Variants in RBFOX1 observed in about 807,000 individuals in gnomAD.
RBFOX1 encodes RNA binding fox-1 homolog 1.
A neutral mutation model predicts 57.7 loss-of-function variants in RBFOX1; 8 were observed. That is an observed-to-expected ratio of 0.14 (90% CI 0.08 to 0.25). The LOEUF is 0.25. Among genes scored for constraint, RBFOX1 ranks in the 10% least tolerant of loss-of-function variants. The pLI is 1.00. For synonymous variants in RBFOX1, 326 were observed against 222.4 expected (o/e 1.47, Z -4.15); for missense variants, 611 against 548.5 (o/e 1.11, Z -1.14).
intron 4 of RBFOX1, among the ~76,000 whole-genome samples, chr16:5,993,364 T>A (rs2152321658): frequency 1.0e-5 from 1 of 100,172 alleles, no homozygotes; most frequent in Middle Eastern, 5.7e-3. Flanking sequence ...TGTGTGTGTG[T>A]GTGTGTGTGT....
intron 14 of RBFOX1, among the ~76,000 whole-genome samples, chr16:7,695,648 T>TG (rs2078567903): frequency 6.0e-5 from 1 of 16,554 alleles, no homozygotes; most frequent in Admixed American, 1.0e-3. Flanking sequence ...CAAGCCTCCA[T>TG]CAAAAAAAAA....
intron 4 of RBFOX1, among the ~76,000 whole-genome samples, chr16:7,219,824 A>G (rs527319738): frequency 9.8e-5 from 15 of 152,326 alleles, no homozygotes; most frequent in African/African-American, 3.1e-4. Context: ...ATGACCTTCC[A>G]CCAAAGGATT....
intron 1 of RBFOX1, among the ~76,000 whole-genome samples, chr16:5,279,195 A>G (rs111752611): frequency 3.7e-4 from 56 of 152,194 alleles, no homozygotes; most frequent in African/African-American, 1.3e-3. Context: ...TCACAATATT[A>G]GTTATTCTAA....
intron 3 of RBFOX1, among the ~76,000 whole-genome samples, chr16:5,657,126 T>C (rs1158450477): frequency 6.6e-6 from 1 of 152,184 alleles, no homozygotes; most frequent in African/African-American, 2.4e-5. Flanking sequence ...CAGTCTTCTC[T>C]GAATATATGT....
In RBFOX1 at chr16:7,302,757, C is replaced by T. The variant is rs2302606; in HGVS notation, c.28-215390C>T. On this transcript the variant is annotated intron_variant, in intron 4 of 15. Coordinates refer to ENST00000550418, the MANE Select transcript of RBFOX1 (RefSeq NM_018723.4). Reference sequence around the variant, plus strand: ...CAAGAATGTGCTTTTTTTTTTTTTTCCTGTCAGGACCAAGGACGAGTTAGA... The same window carrying T: ...CAAGAATGTGCTTTTTTTTTTTTTTTCTGTCAGGACCAAGGACGAGTTAGA... Among the ~76,000 whole-genome samples the T allele has an allele frequency of 0.029, 419 of 14,270 alleles. 1 individual carries two copies. In the East Asian group the frequency reaches 0.33, roughly 11 times the overall value. 9.4% of individuals were successfully genotyped at this position (14,270 alleles called of 152,430 possible).
At chr16:6,083,781 T>A (rs1453436361) in intron 1 of RBFOX1, among the ~76,000 whole-genome samples, 1 of 151,540 alleles carries the variant, frequency 6.6e-6, no homozygotes, top group East Asian at 1.9e-4. Flanking sequence ...CTGGCCCCCC[T>A]TCTTTGGTCT....
intron 4 of RBFOX1, among the ~76,000 whole-genome samples, chr16:7,430,532 C>T (rs879732419): frequency 1.3e-5 from 2 of 151,978 alleles, no homozygotes; most frequent in Non-Finnish European, 2.9e-5. Context: ...CGTGGTGGCA[C>T]GTGCCTGTAG....
At chr16:6,227,729 C>A (rs2097428625) in intron 1 of RBFOX1, among the ~76,000 whole-genome samples, 2 of 152,284 alleles carry the variant, frequency 1.3e-5, no homozygotes, top group South Asian at 4.1e-4. Context: ...TGAAGTAGCT[C>A]TATAGGGCCA....
intron 2 of RBFOX1, among the ~76,000 whole-genome samples, chr16:6,445,042 G>C (rs1190315037): frequency 5.3e-5 from 8 of 152,084 alleles, no homozygotes; most frequent in Non-Finnish European, 8.8e-5. Context: ...AGACCCTGTT[G>C]AGGTGGAAAC....
intron 4 of RBFOX1, among the ~76,000 whole-genome samples, chr16:7,142,703 T>G (rs2074087826): frequency 6.6e-6 from 1 of 152,194 alleles, no homozygotes; most frequent in Non-Finnish European, 1.5e-5. Context: ...AATATGTGTC[T>G]CCCTCTCTAA....
At chr16:6,658,942 T>TTG (rs1305690639) in intron 3 of RBFOX1, among the ~76,000 whole-genome samples, 2 of 137,460 alleles carry the variant, frequency 1.5e-5, no homozygotes, top group African/African-American at 2.7e-5. Context: ...TTTTGTTTTT[T>TTG]TTGTTTTTTT....
At chr16:6,345,512 C>G (rs896749539) in intron 2 of RBFOX1, among the ~76,000 whole-genome samples, 1 of 152,116 alleles carries the variant, frequency 6.6e-6, no homozygotes, top group Non-Finnish European at 1.5e-5. Flanking sequence ...CCTGTTTTAG[C>G]GAGTCCTCTA....
At chr16:6,714,125 G>T (rs923161517) in intron 3 of RBFOX1, among the ~76,000 whole-genome samples, 3 of 152,114 alleles carry the variant, frequency 2.0e-5, no homozygotes, top group African/African-American at 4.8e-5. Flanking sequence ...TTTATGAATG[G>T]TAGTTTTTCC....
intron 3 of RBFOX1, among the ~76,000 whole-genome samples, chr16:6,802,779 ATGATACTCT>A (rs1176732098): frequency 6.6e-6 from 1 of 152,236 alleles, no homozygotes; most frequent in African/African-American, 2.4e-5. Context: ...TGATTGTTAG[ATGATACTCT>A]TGAAGTAGGC....
At chr16:7,380,784 T>C (rs1390247158) in intron 4 of RBFOX1, among the ~76,000 whole-genome samples, 1 of 152,186 alleles carries the variant, frequency 6.6e-6, no homozygotes, top group Non-Finnish European at 1.5e-5. Context: ...AGAAATGTAA[T>C]AATAAACTTA....
chr16:6,971,309 A>G (rs1261732601), intron 3 of RBFOX1, among the ~76,000 whole-genome samples: 1 of 152,196 alleles, frequency 6.6e-6, no homozygotes, highest in African/African-American at 2.4e-5. Flanking sequence ...AAGCGAGGAC[A>G]TGTCAGCCAC....
chr16:5,704,799 G>A (rs557504203), intron 3 of RBFOX1, among the ~76,000 whole-genome samples: 3 of 152,288 alleles, frequency 2.0e-5, no homozygotes, highest in South Asian at 4.2e-4. Flanking sequence ...TAATGACAGG[G>A]TGAGTTGGCC....
intron 3 of RBFOX1, among the ~76,000 whole-genome samples, chr16:6,926,230 C>G (rs911318635): frequency 6.6e-6 from 1 of 152,118 alleles, no homozygotes; most frequent in African/African-American, 2.4e-5. Flanking sequence ...TCCCTTGAAC[C>G]TGGGAGGGGG....
intron 4 of RBFOX1, among the ~76,000 whole-genome samples, chr16:5,991,720 C>T (rs139341222): frequency 6.7e-6 from 1 of 149,584 alleles, no homozygotes; most frequent in African/African-American, 2.5e-5. Context: ...GTGAGTTGAG[C>T]CTGCCTTAGG....
Sources: gnomAD v4.1 joint callset for allele counts (sites outside exome capture counted in the v4.1 genomes callset) on GRCh38, gnomAD v4.1.1 for gene constraint, MANE v1.5 for transcripts, NCBI Gene and HGNC (gene_info 2026-07-23, HGNC 2026-07-21) for gene names.